The following CLEC12A variants were observed in gnomAD, a reference collection of about 807,000 sequenced individuals.
CLEC12A encodes the protein C-type lectin protein CLL-1.
CLEC12A carries 22 observed loss-of-function variants against 26.5 expected under a neutral mutation model. The ratio of observed to expected loss-of-function variants is 0.83; its 90% CI spans 0.59 to 1.19. CLEC12A has a LOEUF of 1.19. CLEC12A is among the 50% of genes most tolerant of loss of function. CLEC12A has a pLI of 0.00. For missense variants in CLEC12A, 353 were observed against 315.6 expected, an observed-to-expected ratio of 1.12 and a Z score of -0.90; for synonymous variants, 119 against 101.9, an observed-to-expected ratio of 1.17 and a Z score of -1.01.
intron 1 of CLEC12A, among the ~76,000 whole-genome samples, chr12:9,960,104 C>T (rs1330630656): frequency 6.6e-6 from 1 of 152,146 alleles, no homozygotes; most frequent in Non-Finnish European, 1.5e-5. Flanking sequence ...GCTGACCACC[C>T]ACTCGTCTAT....
upstream of CLEC12A, among the ~76,000 whole-genome samples, chr12:9,969,677 G>A (rs575057999): frequency 6.6e-4 from 100 of 152,258 alleles, 1 homozygote; most frequent in African/African-American, 2.2e-3. Flanking sequence ...CACAGAACAG[G>A]ACTCTGCCTG....
chr12:10,002,440 G>T, the CLEC12A span, among the ~76,000 whole-genome samples: 76 of 40,436 alleles, frequency 1.9e-3, 2 homozygotes, highest in Middle Eastern at 0.019. Context: ...GTTGGGTAAT[G>T]TTTTTTTTTT....
upstream of CLEC12A, among the ~76,000 whole-genome samples, chr12:9,971,029 C>T (rs1231058791): frequency 1.3e-5 from 2 of 152,178 alleles, no homozygotes; most frequent in African/African-American, 4.8e-5. Context: ...CTGTCTCATT[C>T]TCCTTGGGAG....
downstream of CLEC12A, among the ~76,000 whole-genome samples, chr12:9,999,823 C>T (rs1322701679): frequency 1.3e-5 from 2 of 152,122 alleles, no homozygotes; most frequent in African/African-American, 4.8e-5. Flanking sequence ...AAGTGAGTTT[C>T]CTGGAATGGA....
At chr12:10,002,490 T>A in the CLEC12A span, among the ~76,000 whole-genome samples, 4 of 36,814 alleles carry the variant, frequency 1.1e-4, no homozygotes, top group African/African-American at 2.9e-4. Flanking sequence ...TCGCCCAGGC[T>A]GGAGTGCAGT....
downstream of CLEC12A, among the ~76,000 whole-genome samples, chr12:9,989,278 G>T (rs969537264): frequency 5.3e-5 from 8 of 151,844 alleles, no homozygotes; most frequent in Admixed American, 3.9e-4. Flanking sequence ...ACGAGTTAAT[G>T]GGTGCAGCAC....
At chr12:9,980,531 A>C in intron 3 of CLEC12A, 51 bp from the exon 4 acceptor site, 1 of 1,509,940 alleles carries the variant, frequency 6.6e-7, no homozygotes, top group Non-Finnish European at 9.1e-7. Context: ...AAATAATAAG[A>C]ATTATTATGA....
exon 5 of CLEC12A, chr12:9,995,371 G>T: frequency 7.5e-6 from 6 of 800,022 alleles, no homozygotes; most frequent in Non-Finnish European, 1.3e-5. Flanking sequence ...TAGTATTAAT[G>T]GATTACATTT....
At chr12:9,959,920 A>T (rs1176736858) in intron 1 of CLEC12A, among the ~76,000 whole-genome samples, 1 of 152,194 alleles carries the variant, frequency 6.6e-6, no homozygotes, top group Non-Finnish European at 1.5e-5. Context: ...AAGCTATGTC[A>T]TACATGAAAC....
chr12:9,978,070 G>T (rs1169552430), intron 1 of CLEC12A, among the ~76,000 whole-genome samples: 4 of 152,040 alleles, frequency 2.6e-5, no homozygotes, highest in Non-Finnish European at 5.9e-5. Flanking sequence ...ATTAGTAATT[G>T]TCTCTGGATT....
At chr12:9,957,419 CAG>C (rs916587971) in intron 1 of CLEC12A, among the ~76,000 whole-genome samples, 8 of 148,144 alleles carry the variant, frequency 5.4e-5, no homozygotes, top group African/African-American at 2.0e-4. Context: ...ACTCGGGAGA[CAG>C]AGGTTGCAGT....
At chr12:9,969,055 C>A (rs1055294970), upstream of CLEC12A, among the ~76,000 whole-genome samples, 2 of 152,080 alleles carry the variant, frequency 1.3e-5, no homozygotes, top group Admixed American at 6.5e-5. Flanking sequence ...GAATGAATCT[C>A]ATGGAAGCAG....
chr12:9,955,529 G>A (rs1040736749), intron 1 of CLEC12A, among the ~76,000 whole-genome samples: 3 of 152,044 alleles, frequency 2.0e-5, no homozygotes, highest in African/African-American at 7.2e-5. Flanking sequence ...AATATAAATG[G>A]CATAAATGCT....
intron 1 of CLEC12A, among the ~76,000 whole-genome samples, chr12:9,965,336 G>T (rs1021758570): frequency 5.3e-5 from 8 of 152,192 alleles, no homozygotes; most frequent in Admixed American, 1.3e-4. Flanking sequence ...GACATGATCA[G>T]CAGGGAGAGC....
chr12:9,988,135 A>G (rs372454566), downstream of CLEC12A, among the ~76,000 whole-genome samples: 153 of 152,276 alleles, frequency 1.0e-3, no homozygotes, highest in African/African-American at 3.4e-3. Flanking sequence ...CTCCACCCAA[A>G]TCTAATCTTG....
rs1001718281 is a variant in CLEC12A, at chr12:9,951,479, T to C, written c.10+123T>C. 68 of 690,718 alleles carry C rather than the reference T, an allele frequency of 9.8e-5. No homozygotes were observed. The Admixed American group carries it at 9.9e-4, about 10-fold the overall frequency. The allele number at this position is 690,718 out of a possible 1,614,324, so 42.8% of individuals were successfully genotyped here. A position where few individuals can be genotyped will look rare whatever the true frequency, so the allele number is the denominator to read the frequency against. On this transcript the variant is annotated intron_variant, in intron 1 of 6. Transcript: ENST00000355690. ...ACGGAGAGAGGAAGCACCCTGACTG[T>C]TCCAGTTCAGACACTCTTGGGGCTT...
downstream of CLEC12A, among the ~76,000 whole-genome samples, chr12:9,988,002 G>A (rs1864809399): frequency 6.6e-6 from 1 of 151,882 alleles, no homozygotes; most frequent in African/African-American, 2.4e-5. Flanking sequence ...GCTGTGGACT[G>A]TTGAGTTAAT....
intron 1 of CLEC12A, among the ~76,000 whole-genome samples, chr12:9,963,649 T>C (rs1650164634): frequency 6.6e-6 from 1 of 152,124 alleles, no homozygotes; most frequent in African/African-American, 2.4e-5. Context: ...GCAAATTGAA[T>C]TTTAGGAGTA....
downstream of CLEC12A, chr12:9,996,859 T>A (rs769148753): frequency 1.9e-6 from 3 of 1,614,076 alleles, no homozygotes; most frequent in South Asian, 3.3e-5. Context: ...AATGTTCCGG[T>A]TGTCAATCTT....
Sources: gnomAD v4.1 joint callset for allele counts (sites outside exome capture counted in the v4.1 genomes callset) on GRCh38, gnomAD v4.1.1 for gene constraint, MANE v1.5 for transcripts, NCBI Gene and HGNC (gene_info 2026-07-23, HGNC 2026-07-21) for gene names.